MIA2: variants seen among roughly 807,000 people sequenced by gnomAD.
MIA2 encodes the protein MIA SH3 domain ER export factor 2.
In MIA2, 127 loss-of-function variants were observed where a neutral mutation model predicts 167.8. That is an observed-to-expected ratio of 0.76 (90% CI 0.66 to 0.88). The LOEUF is 0.88. Ranked by LOEUF, MIA2 falls within the 40% of genes least tolerant of loss-of-function variation. MIA2 has a pLI of 0.00. For missense variants in MIA2, 1,690 were observed against 1,624.7 expected, an observed-to-expected ratio of 1.04 and a Z score of -0.69; for synonymous variants, 552 against 541.9, an observed-to-expected ratio of 1.02 and a Z score of -0.26.
At chr14:39,379,697 C>T (rs1008067943) in intron 23 of MIA2, among the ~76,000 whole-genome samples, 3 of 151,958 alleles carry the variant, frequency 2.0e-5, no homozygotes, top group Non-Finnish European at 4.4e-5. Flanking sequence ...ACTAAAAATA[C>T]AAAAATTAGC....
chr14:39,370,316 T>G (rs1195687503), intron 23 of MIA2: 1 of 173,554 alleles, frequency 5.8e-6, no homozygotes, highest in Non-Finnish European at 1.3e-5. Context: ...TGAATCTTGG[T>G]CTTCCTTTTT....
At position 39,233,959 on chromosome 14, in the gene MIA2, T is replaced by C; in HGVS notation, c.-156T>C. On this transcript the variant is annotated 5_prime_UTR_variant, in exon 1 of 29. Transcript: ENST00000640607. ...CTCTCAAGTTAAACCAACAAGCCGATAGAAAAAGGTAGTTATCAAGAGATT... is the reference window on the plus strand; with the variant it reads ...CTCTCAAGTTAAACCAACAAGCCGACAGAAAAAGGTAGTTATCAAGAGATT... The C allele has an allele frequency of 4.0e-6, 2 of 496,662 alleles. No homozygotes were observed. Among genetic ancestry groups the C allele is most frequent in the Non-Finnish European group, 7.1e-6 (2 of 280,214 alleles). 30.8% of individuals were successfully genotyped at this position (496,662 alleles called of 1,614,324 possible).
At chr14:39,309,120 T>C (rs1278017421) in intron 18 of MIA2, among the ~76,000 whole-genome samples, 1 of 152,218 alleles carries the variant, frequency 6.6e-6, no homozygotes, top group African/African-American at 2.4e-5. Flanking sequence ...TGACCACTTT[T>C]TACCATCTTC....
At chr14:39,286,696 C>CTTTTTTTTTTTT (rs35159773) in intron 9 of MIA2, among the ~76,000 whole-genome samples, 1 of 142,690 alleles carries the variant, frequency 7.0e-6, no homozygotes, top group African/African-American at 2.6e-5. Context: ...TTCCTTCTTA[C>CTTTTTTTTTTTT]TTTTTTTTTT....
At chr14:39,326,064 G>T (rs940377415) in intron 24 of MIA2, among the ~76,000 whole-genome samples, 1 of 152,158 alleles carries the variant, frequency 6.6e-6, no homozygotes, top group South Asian at 2.1e-4. Flanking sequence ...GTCGTAAGAA[G>T]GGAACTTTAA....
chr14:39,282,405 A>G (rs1023388769), intron 9 of MIA2, among the ~76,000 whole-genome samples: 1 of 152,210 alleles, frequency 6.6e-6, no homozygotes, highest in Non-Finnish European at 1.5e-5. Flanking sequence ...TGGTTACTAT[A>G]GTGAAACAAA....
chr14:39,272,734 G>A (rs2057366130), intron 6 of MIA2, among the ~76,000 whole-genome samples: 2 of 152,234 alleles, frequency 1.3e-5, no homozygotes, highest in South Asian at 4.2e-4. Flanking sequence ...CTGCACTCCA[G>A]CCTGGGTGAC....
intron 13 of MIA2, among the ~76,000 whole-genome samples, chr14:39,298,035 C>T (rs73277471): frequency 6.6e-5 from 10 of 151,022 alleles, no homozygotes; most frequent in African/African-American, 1.5e-4. Flanking sequence ...TTTCTTTTTT[C>T]CTTGTGGGTT....
chr14:39,339,770 G>A (rs2071362303), intron 25 of MIA2, among the ~76,000 whole-genome samples: 1 of 152,122 alleles, frequency 6.6e-6, no homozygotes, highest in Non-Finnish European at 1.5e-5. Context: ...AATACCTAAT[G>A]TGTCTAGTAC....
intron 1 of MIA2, among the ~76,000 whole-genome samples, chr14:39,236,128 T>C (rs2152594484): frequency 6.6e-6 from 1 of 152,276 alleles, no homozygotes; most frequent in South Asian, 2.1e-4. Context: ...GATAAGTTTC[T>C]TCCCCTTCAG....
At chr14:39,281,673 G>A (rs1401375934) in intron 9 of MIA2, among the ~76,000 whole-genome samples, 1 of 149,560 alleles carries the variant, frequency 6.7e-6, no homozygotes, top group Non-Finnish European at 1.5e-5. Flanking sequence ...CTGGAGTGGA[G>A]TGCAGTAGCG....
chr14:39,312,417 T>G (rs2064480528), intron 18 of MIA2, among the ~76,000 whole-genome samples: 1 of 152,258 alleles, frequency 6.6e-6, no homozygotes, highest in Non-Finnish European at 1.5e-5. Flanking sequence ...CAATAGGTAA[T>G]GTAGTGTGTA....
At chr14:39,319,145 G>A (rs752371855) in intron 22 of MIA2, 64 bp from the exon 23 acceptor site, 1 of 820,516 alleles carries the variant, frequency 1.2e-6, no homozygotes, top group Non-Finnish European at 1.9e-6. Context: ...GTTGGTAGAG[G>A]CATTTTTTCT....
At chr14:39,270,201 T>G (rs1204673187) in intron 6 of MIA2, among the ~76,000 whole-genome samples, 11 of 2,400 alleles carry the variant, frequency 4.6e-3, no homozygotes, top group Middle Eastern at 0.1. Flanking sequence ...TCTGTTGTGG[T>G]TTTTTTTTTT....
intron 13 of MIA2, among the ~76,000 whole-genome samples, chr14:39,296,884 T>A (rs2061499901): frequency 6.6e-6 from 1 of 151,900 alleles, no homozygotes; most frequent in South Asian, 2.1e-4. Flanking sequence ...CAAGTGATTC[T>A]CGTGCCTCAG....
At chr14:39,257,738 T>C (rs1408064555) in intron 6 of MIA2, among the ~76,000 whole-genome samples, 1 of 152,224 alleles carries the variant, frequency 6.6e-6, no homozygotes, top group African/African-American at 2.4e-5. Context: ...TTCCTTTCCA[T>C]ATTTAGTGCT....
chr14:39,267,410 C>T (rs764722518), intron 6 of MIA2: 2 of 1,608,558 alleles, frequency 1.2e-6, no homozygotes, highest in Admixed American at 1.7e-5. Context: ...TTTATTGTGG[C>T]CCCGACAGGC....
At chr14:39,385,619 T>G (rs2075260281) in intron 23 of MIA2, 1 of 822,998 alleles carries the variant, frequency 1.2e-6, no homozygotes, top group Admixed American at 1.7e-5. Flanking sequence ...GTCTCTGGAT[T>G]GGGGCTTAAT....
At chr14:39,291,361 G>A (rs2060718357) in intron 10 of MIA2, among the ~76,000 whole-genome samples, 2 of 152,158 alleles carry the variant, frequency 1.3e-5, no homozygotes, top group Admixed American at 1.3e-4. Context: ...GAGCTGTATA[G>A]AAACTTCGTT....
Sources: allele counts gnomAD v4.1 joint callset (sites outside exome capture counted in the v4.1 genomes callset), GRCh38; gene constraint gnomAD v4.1.1; transcripts MANE v1.5; gene names NCBI Gene and HGNC (gene_info 2026-07-23, HGNC 2026-07-21).